Variants in PAK3 observed in about 807,000 individuals in gnomAD.
PAK3 encodes p21 (RAC1) activated kinase 3, also known as serine/threonine-protein kinase PAK 3.
PAK3 carries 4 observed loss-of-function variants against 41.0 expected under a neutral mutation model. The observed-to-expected ratio is 0.10, with a 90% CI of 0.05 to 0.22. The LOEUF is 0.22. Ranked by LOEUF, PAK3 falls within the 10% of genes least tolerant of loss-of-function variation. The pLI is 1.00. For missense variants in PAK3, 205 were observed against 409.9 expected (o/e 0.50, Z 4.32); for synonymous variants, 146 against 139.6 (o/e 1.05, Z -0.32).
intron 1 of PAK3, among the ~76,000 whole-genome samples, chrX:110,989,193 T>G (rs1442150860): frequency 9.0e-6 from 1 of 111,677 alleles, no homozygotes; most frequent in Non-Finnish European, 1.9e-5. Flanking sequence ...ACTTTGCCAG[T>G]GAGGCCTTCT....
intron 1 of PAK3, among the ~76,000 whole-genome samples, chrX:111,042,471 C>A (rs1051832899): frequency 5.4e-5 from 6 of 111,642 alleles, no homozygotes; most frequent in African/African-American, 2.0e-4. Flanking sequence ...AGCATTAAAC[C>A]AAGGATAGGG....
intron 1 of PAK3, among the ~76,000 whole-genome samples, chrX:110,977,869 C>T (rs1329786382): frequency 8.9e-6 from 1 of 112,007 alleles, no homozygotes; most frequent in Admixed American, 9.5e-5. Context: ...TTCTTTCTTT[C>T]CAATCAGGGT....
intron 7 of PAK3, among the ~76,000 whole-genome samples, chrX:111,151,104 T>A (rs749268023): frequency 8.9e-6 from 1 of 112,177 alleles, no homozygotes; most frequent in African/African-American, 3.2e-5. Context: ...AACTTTTTAC[T>A]ATATTTAAGC....
At chrX:111,089,589 G>A (rs2092914457) in intron 1 of PAK3, among the ~76,000 whole-genome samples, 1 of 111,120 alleles carries the variant, frequency 9.0e-6, no homozygotes, top group South Asian at 3.8e-4. Context: ...AATATCATTG[G>A]GTAGGGAAAG....
intron 17 of PAK3, 57 bp from the exon 18 acceptor site, chrX:111,220,301 A>G: frequency 4.2e-6 from 3 of 717,959 alleles, no homozygotes; most frequent in Non-Finnish European, 6.6e-6. Context: ...AATGTAAAGT[A>G]ATATACTTGT....
intron 11 of PAK3, among the ~76,000 whole-genome samples, chrX:111,188,523 A>T (rs1370719729): frequency 8.9e-6 from 1 of 111,915 alleles, no homozygotes; most frequent in Non-Finnish European, 1.9e-5. Flanking sequence ...GGGAGAAAGG[A>T]TGTGGAACCT....
intron 1 of PAK3, among the ~76,000 whole-genome samples, chrX:111,036,493 C>T (rs758405184): frequency 2.1e-4 from 23 of 111,970 alleles, no homozygotes; most frequent in Non-Finnish European, 4.0e-4. Flanking sequence ...AAGAGTTGGA[C>T]GAAGGGGGAA....
At chrX:111,004,938 C>G (rs920767561) in intron 1 of PAK3, among the ~76,000 whole-genome samples, 5 of 112,227 alleles carry the variant, frequency 4.5e-5, no homozygotes, top group Admixed American at 9.4e-5. Context: ...AGGAAAGATA[C>G]TAACAGCTCA....
chrX:110,963,942 C>A (rs756955905), intron 1 of PAK3, among the ~76,000 whole-genome samples: 2 of 111,990 alleles, frequency 1.8e-5, no homozygotes, highest in African/African-American at 3.2e-5. Context: ...AGTAAAGGAG[C>A]CTTCCTGATA....
chrX:111,150,032 A>G (rs1326067857), intron 7 of PAK3, among the ~76,000 whole-genome samples: 1 of 112,330 alleles, frequency 8.9e-6, no homozygotes, highest in Non-Finnish European at 1.9e-5. Flanking sequence ...GCTTTGCTGC[A>G]TAGAAATTTC....
chrX:110,990,257 G>A (rs955806993), intron 1 of PAK3, among the ~76,000 whole-genome samples: 1 of 111,990 alleles, frequency 8.9e-6, no homozygotes, highest in African/African-American at 3.3e-5. Context: ...CTGCTGTGAG[G>A]CTAAAGTGAG....
intron 1 of PAK3, among the ~76,000 whole-genome samples, chrX:111,073,469 T>C (rs1178319675): frequency 9.0e-6 from 1 of 111,426 alleles, no homozygotes; most frequent in Non-Finnish European, 1.9e-5. Flanking sequence ...AATTGGCAAA[T>C]GTTTAGCTAG....
chrX:111,215,834 T>C (rs764067234), intron 16 of PAK3, among the ~76,000 whole-genome samples: 3 of 112,460 alleles, frequency 2.7e-5, no homozygotes, highest in Non-Finnish European at 3.7e-5. Context: ...GGGATACAGC[T>C]GCCACAGGGT....
At chrX:110,977,874 C>G in intron 1 of PAK3, among the ~76,000 whole-genome samples, 1 of 112,090 alleles carries the variant, frequency 8.9e-6, no homozygotes, top group Middle Eastern at 4.6e-3. Context: ...TCTTTCCAAT[C>G]AGGGTGGCTT....
chrX:111,058,661 C>T (rs1377734573), intron 1 of PAK3, among the ~76,000 whole-genome samples: 2 of 111,229 alleles, frequency 1.8e-5, no homozygotes. Context: ...TTGACACACA[C>T]CCAAAAAAAG....
At position 111,077,116 on chromosome X, in the gene PAK3, G is replaced by A. The variant is rs747056613; in HGVS notation, c.-27-45961G>A. The stretch of plus-strand genomic sequence containing the variant: ...ATAAAGACCAAGGAGGTGAGAGATC[G>A]CTACACTGAAAACTATAAAATATTG... On this transcript the variant is annotated intron_variant, in intron 1 of 14. Coordinates refer to the PAK3 transcript ENST00000425146. 3.6e-5 allele frequency among the ~76,000 whole-genome samples: 4 copies of A among 111,339 alleles called. No individual in the cohort carries two copies. In the South Asian group the frequency reaches 1.5e-3, roughly 42 times the overall value.
chrX:111,083,664 T>A (rs1244120405), intron 1 of PAK3, among the ~76,000 whole-genome samples: 1 of 112,554 alleles, frequency 8.9e-6, no homozygotes, highest in Non-Finnish European at 1.9e-5. Flanking sequence ...CTTCTTCCTC[T>A]ATTTTCATCT....
At chrX:111,155,812 T>C (rs937631485) in intron 8 of PAK3, among the ~76,000 whole-genome samples, 1 of 111,349 alleles carries the variant, frequency 9.0e-6, no homozygotes, top group African/African-American at 3.3e-5. Flanking sequence ...AGAAAGGGTG[T>C]GTTGGTGAGT....
At chrX:111,214,960 A>G (rs2094861573) in intron 16 of PAK3, among the ~76,000 whole-genome samples, 1 of 111,385 alleles carries the variant, frequency 9.0e-6, no homozygotes, top group Non-Finnish European at 1.9e-5. Context: ...GCAAACTCCT[A>G]CTTATTCTTC....
Sources: allele counts gnomAD v4.1 joint callset (sites outside exome capture counted in the v4.1 genomes callset), GRCh38; gene constraint gnomAD v4.1.1; transcripts MANE v1.5; gene names NCBI Gene and HGNC (gene_info 2026-07-23, HGNC 2026-07-21).